Variants in ZMAT3 observed in about 807,000 individuals in gnomAD.
ZMAT3 encodes the protein zinc finger matrin-type protein 3.
Under a neutral mutation model 32.3 loss-of-function variants are expected in ZMAT3, and 17 were observed. That is an observed-to-expected ratio of 0.53 (90% CI 0.36 to 0.79). The LOEUF (loss-of-function observed/expected upper bound fraction) is 0.79. ZMAT3 is among the 30% of genes least tolerant of loss of function. The pLI is 0.00. For synonymous variants in ZMAT3, 120 were observed against 133.1 expected, an observed-to-expected ratio of 0.90 and a Z score of 0.68; for missense variants, 329 against 359.7, an observed-to-expected ratio of 0.91 and a Z score of 0.69.
At chr3:179,067,407 G>T in intron 2 of ZMAT3, 76 bp downstream of exon 2, 9 of 1,495,104 alleles carry the variant, frequency 6.0e-6, no homozygotes, top group Non-Finnish European at 8.3e-6. Flanking sequence ...GTCATATCTG[G>T]AGAGACAACT....
intron 2 of ZMAT3, among the ~76,000 whole-genome samples, chr3:179,032,899 C>T (rs1483253522): frequency 6.8e-6 from 1 of 147,320 alleles, no homozygotes; most frequent in Non-Finnish European, 1.5e-5. Context: ...GCTACACCGT[C>T]TGGGAGGTGG....
chr3:179,022,316 A>T lies in ZMAT3; in HGVS notation c.*2701T>A, dbSNP rs181938856. 1 of 152,326 alleles carries T rather than the reference A, an allele frequency of 6.6e-6. No homozygotes were observed. Among genetic ancestry groups the T allele is most frequent in the African/African-American group, 2.4e-5 (1 of 41,576 alleles). 9.4% of individuals were successfully genotyped at this position (152,326 alleles called of 1,614,324 possible). On this transcript the variant is annotated 3_prime_UTR_variant, in exon 6 of 6. Coordinates refer to ENST00000311417, the MANE Select transcript of ZMAT3 (RefSeq NM_022470.4). ...TATAAAACTATTTCCAATGGAAAACAAAGTGGATGAATGACATTTTTACAA... is the reference window on the plus strand; with the variant it reads ...TATAAAACTATTTCCAATGGAAAACTAAGTGGATGAATGACATTTTTACAA...
intron 2 of ZMAT3, among the ~76,000 whole-genome samples, chr3:179,062,824 A>T (rs1191055235): frequency 6.6e-6 from 1 of 152,210 alleles, no homozygotes; most frequent in Non-Finnish European, 1.5e-5. Context: ...ACAATCAAGG[A>T]AAACAAAGTT....
At chr3:179,060,367 A>G (rs537265882) in intron 2 of ZMAT3, among the ~76,000 whole-genome samples, 22 of 152,290 alleles carry the variant, frequency 1.4e-4, no homozygotes, top group African/African-American at 5.3e-4. Flanking sequence ...AAATCTGGAG[A>G]ATAGTGACTA....
At chr3:179,059,317 T>C (rs940963849) in intron 2 of ZMAT3, among the ~76,000 whole-genome samples, 8 of 152,146 alleles carry the variant, frequency 5.3e-5, no homozygotes, top group African/African-American at 1.9e-4. Context: ...TCAGGATGGC[T>C]AGCCACCGAA....
At chr3:179,049,621 G>A (rs1485769610) in intron 2 of ZMAT3, among the ~76,000 whole-genome samples, 3 of 152,278 alleles carry the variant, frequency 2.0e-5, no homozygotes, top group Middle Eastern at 3.4e-3. Flanking sequence ...TGAACTGAAC[G>A]ATAATAGTGA....
chr3:179,053,674 C>T (rs1232904315), intron 2 of ZMAT3, among the ~76,000 whole-genome samples: 2 of 152,212 alleles, frequency 1.3e-5, no homozygotes, highest in African/African-American at 2.4e-5. Context: ...TCCTTCTTGA[C>T]ATGACACACT....
chr3:179,064,061 G>A (rs997140918), intron 2 of ZMAT3, among the ~76,000 whole-genome samples: 1 of 152,176 alleles, frequency 6.6e-6, no homozygotes, highest in Non-Finnish European at 1.5e-5. Flanking sequence ...TGGATTACTG[G>A]CACATGATAC....
chr3:179,068,192 G>GATA (rs1204851528), intron 1 of ZMAT3, among the ~76,000 whole-genome samples: 8 of 152,152 alleles, frequency 5.3e-5, no homozygotes, highest in Admixed American at 1.3e-4. Context: ...CACTCTTAAT[G>GATA]ATAATCATGC....
chr3:179,039,986 A>C (rs1314162490), intron 2 of ZMAT3, among the ~76,000 whole-genome samples: 1 of 152,218 alleles, frequency 6.6e-6, no homozygotes, highest in East Asian at 1.9e-4. Flanking sequence ...TCAGTGATTG[A>C]AGATCAAATT....
chr3:179,022,720 T>C lies in ZMAT3; in HGVS notation c.*2297A>G, dbSNP rs900150005. 7.9e-5 allele frequency: 12 copies of C among 152,066 alleles called. No homozygotes were observed. The highest frequency in any genetic ancestry group is 2.9e-4 in the African/African-American group (12 of 41,446). The allele number at this position is 152,066 out of a possible 1,614,324, so 9.4% of individuals were successfully genotyped here. ...CTAACAGAATAGTATTTGATTCTTC[T>C]GTTTCTGGGAGAAGAAAAGTTACAA... is the stretch of plus-strand genomic sequence containing the variant. On this transcript the variant is annotated 3_prime_UTR_variant, in exon 6 of 6. Transcript: ENST00000311417.
chr3:179,044,298 A>G (rs756235219), intron 2 of ZMAT3, among the ~76,000 whole-genome samples: 2 of 152,356 alleles, frequency 1.3e-5, no homozygotes, highest in Non-Finnish European at 2.9e-5. Flanking sequence ...CACTATTCAC[A>G]ATAGCAAAGA....
In ZMAT3 at chr3:179,022,218, A is replaced by C. The variant is rs1194103652; in HGVS notation, c.*2799T>G. 6.6e-6 allele frequency: 1 copy of C among 152,238 alleles called. No individual in the cohort carries two copies. Among genetic ancestry groups the C allele is most frequent in the Non-Finnish European group, 1.5e-5 (1 of 68,042 alleles). The allele number at this position is 152,238 out of a possible 1,614,324, so 9.4% of individuals were successfully genotyped here. ...ATCCACAAGGCCTGAAAAAACATCA[A>C]GCCCTTAAGTCGGCTGCTTTTTCTA... On this transcript the variant is annotated 3_prime_UTR_variant, in exon 6 of 6. Transcript: ENST00000311417.
At chr3:179,032,127 C>T (rs1257571876) in intron 2 of ZMAT3, among the ~76,000 whole-genome samples, 2 of 149,054 alleles carry the variant, frequency 1.3e-5, no homozygotes, top group Admixed American at 6.7e-5. Flanking sequence ...CTCAGCCTGC[C>T]GAGTGCCTGC....
intron 2 of ZMAT3, among the ~76,000 whole-genome samples, chr3:179,045,536 G>C (rs1720186905): frequency 6.6e-6 from 1 of 151,986 alleles, no homozygotes. Flanking sequence ...TGCAAAAGAA[G>C]ATATGTAAGA....
chr3:179,039,233 C>A (rs1719778142), intron 2 of ZMAT3, among the ~76,000 whole-genome samples: 1 of 152,222 alleles, frequency 6.6e-6, no homozygotes, highest in Non-Finnish European at 1.5e-5. Flanking sequence ...TGTTTGAGCT[C>A]TGAGAATGGA....
intron 2 of ZMAT3, among the ~76,000 whole-genome samples, chr3:179,061,417 G>A (rs1721146271): frequency 6.6e-6 from 1 of 152,146 alleles, no homozygotes; most frequent in Non-Finnish European, 1.5e-5. Flanking sequence ...ACACAATGAA[G>A]TAGTGATTCA....
At chr3:179,069,663 A>G (rs1040283505) in intron 1 of ZMAT3, among the ~76,000 whole-genome samples, 1 of 152,242 alleles carries the variant, frequency 6.6e-6, no homozygotes, top group Non-Finnish European at 1.5e-5. Context: ...AAAATCAAGT[A>G]ACAACTTTCA....
intron 2 of ZMAT3, among the ~76,000 whole-genome samples, chr3:179,047,908 C>A (rs528417401): frequency 1.3e-5 from 2 of 150,356 alleles, no homozygotes; most frequent in South Asian, 4.2e-4. Context: ...TTAAATAAAT[C>A]AAAAAATAAT....
Sources: gnomAD v4.1 joint callset for allele counts (sites outside exome capture counted in the v4.1 genomes callset) on GRCh38, gnomAD v4.1.1 for gene constraint, MANE v1.5 for transcripts, NCBI Gene and HGNC (gene_info 2026-07-23, HGNC 2026-07-21) for gene names.